ZNF804A: variants seen among roughly 807,000 people sequenced by gnomAD.
ZNF804A encodes zinc finger protein 804A.
A neutral mutation model predicts 16.5 loss-of-function variants in ZNF804A; 2 were observed. The ratio of observed to expected loss-of-function variants is 0.12; its 90% CI spans 0.05 to 0.38. The LOEUF is 0.38. Ranked by LOEUF, ZNF804A falls within the 10% of genes least tolerant of loss-of-function variation. The pLI is 0.99. For synonymous variants in ZNF804A, 534 were observed against 489.6 expected (o/e 1.09, Z -1.20); for missense variants, 1,473 against 1,390.7 (o/e 1.06, Z -0.94).
intron 1 of ZNF804A, among the ~76,000 whole-genome samples, chr2:184,850,500 T>C (rs1695585730): frequency 6.6e-6 from 1 of 151,844 alleles, no homozygotes; most frequent in Non-Finnish European, 1.5e-5. Flanking sequence ...TGTCTGGAAA[T>C]ATTCTTCCAG....
intron 1 of ZNF804A, among the ~76,000 whole-genome samples, chr2:184,631,136 T>C (rs1381622271): frequency 2.6e-5 from 4 of 152,134 alleles, no homozygotes; most frequent in Non-Finnish European, 5.9e-5. Context: ...TAAACAGCCA[T>C]TCAAGCTTCC....
intron 1 of ZNF804A, among the ~76,000 whole-genome samples, chr2:184,797,994 C>A (rs1412546913): frequency 1.4e-5 from 2 of 142,250 alleles, no homozygotes; most frequent in Non-Finnish European, 3.0e-5. Context: ...ATACAAAATT[C>A]ATGGCTGATA....
At chr2:184,601,979 T>G (rs1691056638) in intron 1 of ZNF804A, among the ~76,000 whole-genome samples, 1 of 151,964 alleles carries the variant, frequency 6.6e-6, no homozygotes, top group African/African-American at 2.4e-5. Context: ...GAATTAGATG[T>G]TACTTATAGG....
intron 2 of ZNF804A, among the ~76,000 whole-genome samples, chr2:184,930,185 T>G (rs1685673337): frequency 6.6e-6 from 1 of 152,188 alleles, no homozygotes; most frequent in African/African-American, 2.4e-5. Flanking sequence ...GAAATAAAAG[T>G]GACCAAGACC....
intron 1 of ZNF804A, among the ~76,000 whole-genome samples, chr2:184,635,233 C>T (rs1267870030): frequency 6.6e-6 from 1 of 152,058 alleles, no homozygotes; most frequent in Non-Finnish European, 1.5e-5. Flanking sequence ...AAGCATTTTT[C>T]CGTATGAAAC....
chr2:184,821,564 G>A (rs1695083875), intron 1 of ZNF804A, among the ~76,000 whole-genome samples: 3 of 152,024 alleles, frequency 2.0e-5, no homozygotes, highest in Admixed American at 1.3e-4. Flanking sequence ...TTGAGAAATA[G>A]GATCTAATTA....
rs1042109951 is a variant in ZNF804A at position 184,933,085 on chromosome 2, A to G, written c.256-518A>G. Among the ~76,000 whole-genome samples the G allele has an allele frequency of 2.0e-4, 30 of 152,068 alleles. 1 individual carries two copies. The highest frequency in any genetic ancestry group is 6.7e-4 in the African/African-American group (28 of 41,512). On this transcript the variant is annotated intron_variant, in intron 2 of 3. Coordinates refer to ENST00000302277, the MANE Select transcript of ZNF804A (RefSeq NM_194250.2). ...ACAAAAAGGGCTGCTCTGCCTATGG[A>G]GTAGCCACTCTTTATTCATTTACTT...
rs1468822035 is a variant in ZNF804A at position 184,738,083 on chromosome 2, G to A, written c.112-128286G>A. ...GGAGGGTGCAGTGAGCCGAGATCAT[G>A]CCATTGCACTCCAGCCCGGGCAACA... is the stretch of plus-strand genomic sequence containing the variant. On this transcript the variant is annotated intron_variant, in intron 1 of 3. Transcript: ENST00000302277. 6.0e-5 allele frequency among the ~76,000 whole-genome samples: 9 copies of A among 150,224 alleles called. No homozygotes were observed. The South Asian group carries it at 8.4e-4, about 14-fold the overall frequency.
intron 2 of ZNF804A, among the ~76,000 whole-genome samples, chr2:184,932,638 G>T (rs1230108474): frequency 1.3e-5 from 2 of 152,136 alleles, no homozygotes; most frequent in Non-Finnish European, 2.9e-5. Flanking sequence ...TAGTATAAGT[G>T]AGTCCTACTC....
intron 1 of ZNF804A, among the ~76,000 whole-genome samples, chr2:184,698,145 G>A (rs1214794845): frequency 1.3e-5 from 2 of 151,984 alleles, no homozygotes; most frequent in Non-Finnish European, 2.9e-5. Context: ...ATGGGGACTG[G>A]CACCTAAGTC....
chr2:184,795,052 T>C (rs1027985564), intron 1 of ZNF804A, among the ~76,000 whole-genome samples: 1 of 152,114 alleles, frequency 6.6e-6, no homozygotes, highest in African/African-American at 2.4e-5. Context: ...GGATTTAAAC[T>C]ATACCTTAGA....
At chr2:184,839,438 A>T (rs1370465433) in intron 1 of ZNF804A, among the ~76,000 whole-genome samples, 2 of 152,100 alleles carry the variant, frequency 1.3e-5, no homozygotes, top group Non-Finnish European at 2.9e-5. Context: ...AGTGTTATTA[A>T]TTTAACATGT....
rs529167756 is a variant in ZNF804A at position 184,821,997 on chromosome 2, A to G, written c.112-44372A>G. On this transcript the variant is annotated intron_variant, in intron 1 of 3. Transcript: ENST00000302277. ...AATTAGTTCAACCATTGTGGAAGAC[A>G]GTGTGGTGATTCCTCAAAGATCTAG... Among the ~76,000 whole-genome samples the G allele has an allele frequency of 2.6e-5, 4 of 152,296 alleles. No individual in the cohort carries two copies. In the South Asian group the frequency reaches 6.2e-4, roughly 24 times the overall value.
At chr2:184,798,340 A>G (rs1055148022) in intron 1 of ZNF804A, among the ~76,000 whole-genome samples, 13 of 151,678 alleles carry the variant, frequency 8.6e-5, no homozygotes, top group Admixed American at 1.3e-4. Flanking sequence ...TATTTTCCAA[A>G]CTTTTAGATT....
At chr2:184,890,959 G>A (rs777125415) in intron 2 of ZNF804A, among the ~76,000 whole-genome samples, 1 of 151,610 alleles carries the variant, frequency 6.6e-6, no homozygotes, top group African/African-American at 2.4e-5. Flanking sequence ...GCACATAAAC[G>A]CAGATACCTA....
chr2:184,933,068 G>C lies in ZNF804A; in HGVS notation c.256-535G>C, dbSNP rs1191362006. 2.0e-5 allele frequency among the ~76,000 whole-genome samples: 3 copies of C among 151,604 alleles called. No homozygotes were observed. In the East Asian group the frequency reaches 5.8e-4, roughly 29 times the overall value. Reference sequence around the variant, plus strand: ...ATGTACTCTCAGAACACACAAAAAGGGCTGCTCTGCCTATGGAGTAGCCAC... The same window carrying C: ...ATGTACTCTCAGAACACACAAAAAGCGCTGCTCTGCCTATGGAGTAGCCAC... On this transcript the variant is annotated intron_variant, in intron 2 of 3. Transcript: ENST00000302277.
At chr2:184,731,396 G>T (rs990634794) in intron 1 of ZNF804A, among the ~76,000 whole-genome samples, 2 of 151,614 alleles carry the variant, frequency 1.3e-5, no homozygotes, top group Non-Finnish European at 2.9e-5. Context: ...TCAGCATTTG[G>T]TGTTGTCAGT....
chr2:184,916,679 C>G (rs749776611), intron 2 of ZNF804A, among the ~76,000 whole-genome samples: 7 of 152,064 alleles, frequency 4.6e-5, no homozygotes, highest in Non-Finnish European at 8.8e-5. Context: ...GAAACCCCGT[C>G]TCTATTGAAA....
chr2:184,748,740 A>C (rs1252496912), intron 1 of ZNF804A, among the ~76,000 whole-genome samples: 1 of 151,382 alleles, frequency 6.6e-6, no homozygotes, highest in Non-Finnish European at 1.5e-5. Flanking sequence ...TAAATGTTTT[A>C]TCAATTTGAG....
Sources: gnomAD v4.1 joint callset for allele counts (sites outside exome capture counted in the v4.1 genomes callset) on GRCh38, gnomAD v4.1.1 for gene constraint, MANE v1.5 for transcripts, NCBI Gene and HGNC (gene_info 2026-07-23, HGNC 2026-07-21) for gene names.